The following CPS1 variants were observed in gnomAD, a reference collection of about 807,000 sequenced individuals.
CPS1 encodes the protein carbamoyl-phosphate synthase [ammonia], mitochondrial.
In CPS1, 109 loss-of-function variants were observed where a neutral mutation model predicts 174.6. That is an observed-to-expected ratio of 0.62 (90% CI 0.53 to 0.73). The LOEUF is 0.73. CPS1 is among the 30% of genes least tolerant of loss of function. CPS1 has a pLI of 0.00. For missense variants in CPS1, 1,689 were observed against 1,821.9 expected (o/e 0.93, Z 1.33); for synonymous variants, 637 against 632.0 (o/e 1.01, Z -0.12).
At position 210,590,235 on chromosome 2, in the gene CPS1, G is replaced by C. The variant is rs1206168005; in HGVS notation, c.840+1G>C. 4 of 1,612,420 alleles carry C rather than the reference G, an allele frequency of 2.5e-6. No homozygotes were observed. The highest frequency in any genetic ancestry group is 3.4e-6 in the Non-Finnish European group (4 of 1,178,978). On this transcript the variant is annotated splice_donor_variant, in intron 8 of 37. Transcript: ENST00000233072. LOFTEE classifies it high-confidence loss of function. ...ACCACTAATTCAGAATGTCAGAAAG[G>C]TGCAATGAACCTTGAATTCATGTGT...
intron 3 of CPS1, among the ~76,000 whole-genome samples, chr2:210,576,819 T>C (rs1574544411): frequency 6.6e-6 from 1 of 152,170 alleles, no homozygotes; most frequent in East Asian, 1.9e-4. Context: ...GAATTCTGTA[T>C]CAATTATTTG....
At chr2:210,607,692 T>C (rs1184968194) in intron 18 of CPS1, among the ~76,000 whole-genome samples, 1 of 151,918 alleles carries the variant, frequency 6.6e-6, no homozygotes, top group Non-Finnish European at 1.5e-5. Flanking sequence ...TTTGAGCACA[T>C]CACTCATTGT....
At chr2:210,641,508 G>A (rs539764926) in intron 24 of CPS1, among the ~76,000 whole-genome samples, 3 of 152,106 alleles carry the variant, frequency 2.0e-5, no homozygotes, top group Non-Finnish European at 4.4e-5. Context: ...CCACCTCCCA[G>A]CACTGTTGCA....
rs367595060 is a variant in CPS1 at position 210,658,614 on chromosome 2, C to A, written c.3682C>A (p.Arg1228=). 6.2e-7 allele frequency: 1 copy of A among 1,613,864 alleles called. No homozygotes were observed. The highest frequency in any genetic ancestry group is 1.3e-5 in the African/African-American group (1 of 74,924). ...GAIEKVKDAT[R]KIAKAFAISG... ...TTTAATTCAGGTGAAGGATGCTACC[C>A]GGAAGATTGCAAAGGCTTTTGCCAT... The change falls in exon 31 of 38, where the codon CGG becomes AGG. Residue 1228 remains arginine, a synonymous_variant. Transcript: ENST00000233072.
At chr2:210,526,364 C>T (rs911865284) in intron 1 of CPS1, among the ~76,000 whole-genome samples, 1 of 145,400 alleles carries the variant, frequency 6.9e-6, no homozygotes, top group Admixed American at 7.1e-5. Flanking sequence ...ACATGTATCC[C>T]AGACCTTAAA....
chr2:210,660,935 G>A (rs912480472), intron 32 of CPS1, among the ~76,000 whole-genome samples: 14 of 152,176 alleles, frequency 9.2e-5, no homozygotes, highest in African/African-American at 3.4e-4. Context: ...ACACATGATG[G>A]TGCTAGTTTA....
At chr2:210,570,088 A>G (rs908812536) in intron 1 of CPS1, among the ~76,000 whole-genome samples, 1 of 151,948 alleles carries the variant, frequency 6.6e-6, no homozygotes, top group Non-Finnish European at 1.5e-5. Flanking sequence ...CCATCAATTC[A>G]TAGATAAGTC....
At chr2:210,477,835 G>T in intron 1 of CPS1, 3 of 1,546,246 alleles carry the variant, frequency 1.9e-6, no homozygotes, top group Non-Finnish European at 2.7e-6. Flanking sequence ...TCACAAGAGA[G>T]AAAAGGAAAA....
At chr2:210,569,388 T>G (rs1290496754) in intron 1 of CPS1, among the ~76,000 whole-genome samples, 1 of 152,102 alleles carries the variant, frequency 6.6e-6, no homozygotes, top group Non-Finnish European at 1.5e-5. Context: ...ATACAAAATT[T>G]GGCAAGTTTT....
At chr2:210,484,228 C>T (rs990707812) in intron 1 of CPS1, among the ~76,000 whole-genome samples, 1 of 152,070 alleles carries the variant, frequency 6.6e-6, no homozygotes, top group Non-Finnish European at 1.5e-5. Flanking sequence ...AGGGGAACAT[C>T]CCAGATGGAA....
intron 21 of CPS1, among the ~76,000 whole-genome samples, chr2:210,620,841 A>G (rs1295671720): frequency 6.6e-6 from 1 of 152,018 alleles, no homozygotes; most frequent in Non-Finnish European, 1.5e-5. Context: ...TTAAATATCA[A>G]TCTGAGATTT....
At position 210,660,806 on chromosome 2, in the gene CPS1, G is replaced by A. The variant is rs1457401516; in HGVS notation, c.3927+151G>A. 2.5e-5 allele frequency: 20 copies of A among 803,854 alleles called. No homozygotes were observed. The East Asian group carries it at 4.8e-4, about 19-fold the overall frequency. The allele number at this position is 803,854 out of a possible 1,614,324, so 49.8% of individuals were successfully genotyped here. A position where few individuals can be genotyped will look rare whatever the true frequency, so the allele number is the denominator to read the frequency against. The stretch of plus-strand genomic sequence containing the variant: ...TTCCTTTCAATAATGTACTGCAGTT[G>A]TACTATAGGCAACTTTATGTGAACT... On this transcript the variant is annotated intron_variant, in intron 32 of 37. Transcript: ENST00000233072.
At chr2:210,535,856 C>G (rs922819384) in intron 1 of CPS1, among the ~76,000 whole-genome samples, 1 of 110,954 alleles carries the variant, frequency 9.0e-6, no homozygotes, top group Non-Finnish European at 1.7e-5. Context: ...GACATTGAAA[C>G]TTCCTCATTA....
At chr2:210,656,490 T>C (rs768977262) in intron 29 of CPS1, 35 bp from the exon 30 acceptor site, 100 of 1,543,002 alleles carry the variant, frequency 6.5e-5, no homozygotes, top group Non-Finnish European at 8.4e-5. Context: ...ACCTGAAAAC[T>C]TTTTCTAAAA....
At chr2:210,479,817 G>A (rs1048382884) in intron 1 of CPS1, among the ~76,000 whole-genome samples, 6 of 152,124 alleles carry the variant, frequency 3.9e-5, no homozygotes, top group Non-Finnish European at 8.8e-5. Context: ...TTAAAAAAAT[G>A]TAATGTTCCT....
chr2:210,570,914 A>G (rs535760547), intron 1 of CPS1, among the ~76,000 whole-genome samples: 87 of 152,104 alleles, frequency 5.7e-4, no homozygotes, highest in South Asian at 2.7e-3. Context: ...GCTTATAATA[A>G]TCTTTAGAAA....
chr2:210,675,624 T>A, intron 35 of CPS1, 104 bp from the exon 36 acceptor site: 1 of 729,730 alleles, frequency 1.4e-6, no homozygotes, highest in South Asian at 1.5e-5. Context: ...CTATACTACT[T>A]CTCATGTTCA....
chr2:210,509,957 T>C (rs1269795297), intron 1 of CPS1, among the ~76,000 whole-genome samples: 4 of 152,086 alleles, frequency 2.6e-5, no homozygotes, highest in Non-Finnish European at 2.9e-5. Flanking sequence ...CTGCCCAAGG[T>C]AATTTATAGA....
In CPS1 at chr2:210,634,908, A is replaced by G. The variant is rs560159647; in HGVS notation, c.2688-2794A>G. On this transcript the variant is annotated intron_variant, in intron 21 of 37. Coordinates refer to ENST00000233072, the MANE Select transcript of CPS1 (RefSeq NM_001875.5). ...ATAGCCAATACTGTTGCCATTGCCT[A>G]TTGTACACCTGTCAACTCCTTTATC... Among the ~76,000 whole-genome samples, 14 of 152,198 alleles carry G rather than the reference A, an allele frequency of 9.2e-5. No homozygotes were observed. The East Asian group carries it at 1.7e-3, about 19-fold the overall frequency.
Sources: gnomAD v4.1 joint callset for allele counts (sites outside exome capture counted in the v4.1 genomes callset) on GRCh38, gnomAD v4.1.1 for gene constraint, MANE v1.5 for transcripts, NCBI Gene and HGNC (gene_info 2026-07-23, HGNC 2026-07-21) for gene names.